The following NELL2 variants were observed in gnomAD, a reference collection of about 807,000 sequenced individuals.
The protein encoded by NELL2 is protein kinase C-binding protein NELL2.
A neutral mutation model predicts 109.6 loss-of-function variants in NELL2; 41 were observed. The observed-to-expected ratio is 0.37, with a 90% CI of 0.29 to 0.49. The LOEUF (loss-of-function observed/expected upper bound fraction) is 0.49. NELL2 is among the 20% of genes least tolerant of loss of function. The pLI is 0.98. For missense variants in NELL2, 900 were observed against 1,008.3 expected (o/e 0.89, Z 1.45); for synonymous variants, 355 against 344.7 (o/e 1.03, Z -0.33).
intron 13 of NELL2, among the ~76,000 whole-genome samples, chr12:44,660,799 G>A (rs1947714156): frequency 9.3e-6 from 1 of 107,010 alleles, no homozygotes; most frequent in African/African-American, 3.5e-5. Flanking sequence ...TCTGAAATGA[G>A]TGTCTCTTCA....
intron 1 of NELL2, among the ~76,000 whole-genome samples, chr12:44,883,320 C>G (rs1485304093): frequency 1.3e-5 from 2 of 151,914 alleles, no homozygotes; most frequent in East Asian, 3.9e-4. Context: ...GCTCATTGCC[C>G]CCTCCTTCAA....
At chr12:44,887,118 T>C (rs1362871281) in intron 1 of NELL2, among the ~76,000 whole-genome samples, 1 of 152,096 alleles carries the variant, frequency 6.6e-6, no homozygotes, top group African/African-American at 2.4e-5. Context: ...ATTTCCTTTC[T>C]CTTGGATAAA....
chr12:44,701,095 AT>A (rs1949213529), intron 12 of NELL2, among the ~76,000 whole-genome samples: 1 of 152,150 alleles, frequency 6.6e-6, no homozygotes, highest in Non-Finnish European at 1.5e-5. Flanking sequence ...GCAAAATTGC[AT>A]TAAAAATGTT....
intron 2 of NELL2, among the ~76,000 whole-genome samples, chr12:44,834,431 G>A (rs1052342194): frequency 6.1e-5 from 8 of 131,832 alleles, no homozygotes; most frequent in African/African-American, 8.9e-5. Flanking sequence ...ACAGACACAC[G>A]CATTCTTTTT....
chr12:44,587,286 T>A (rs28406258), intron 15 of NELL2, among the ~76,000 whole-genome samples: 6,402 of 39,810 alleles, frequency 0.16, 698 homozygotes, highest in African/African-American at 0.38. Context: ...AAAAAAAAAA[T>A]ATATATATAT....
chr12:44,612,848 C>A (rs573647392), intron 13 of NELL2, among the ~76,000 whole-genome samples: 23 of 152,120 alleles, frequency 1.5e-4, no homozygotes, highest in Admixed American at 9.2e-4. Flanking sequence ...ACCATACTCA[C>A]CGGGTAGAGA....
intron 15 of NELL2, among the ~76,000 whole-genome samples, chr12:44,589,409 T>G (rs1944662414): frequency 2.7e-5 from 4 of 148,758 alleles, no homozygotes; most frequent in Admixed American, 2.0e-4. Context: ...TATTTATTTA[T>G]TTGAGATGGA....
intron 12 of NELL2, among the ~76,000 whole-genome samples, chr12:44,688,442 CTTAT>C (rs1221760695): frequency 1.3e-5 from 2 of 152,150 alleles, no homozygotes; most frequent in Non-Finnish European, 2.9e-5. Context: ...CTTTTACTGA[CTTAT>C]TTTTCTGGAA....
chr12:44,805,222 C>G (rs950221698), intron 3 of NELL2, among the ~76,000 whole-genome samples: 1 of 151,640 alleles, frequency 6.6e-6, no homozygotes, highest in African/African-American at 2.4e-5. Context: ...CAATACATAC[C>G]AATGAAATTT....
intron 13 of NELL2, among the ~76,000 whole-genome samples, chr12:44,656,275 T>G (rs1298472955): frequency 3.3e-5 from 5 of 152,002 alleles, no homozygotes; most frequent in Admixed American, 3.3e-4. Flanking sequence ...CAACAAATCC[T>G]CCAAAGGCAG....
chr12:44,904,944 G>C (rs994431252), intron 1 of NELL2, among the ~76,000 whole-genome samples: 10 of 151,986 alleles, frequency 6.6e-5, no homozygotes, highest in Non-Finnish European at 2.9e-5. Flanking sequence ...TTCCCCACTG[G>C]GCATTGTCCA....
At position 44,552,355 on chromosome 12, in the gene NELL2, T is replaced by A. The variant is rs571043584; in HGVS notation, c.1664-19634A>T. Among the ~76,000 whole-genome samples, 6 of 152,314 alleles carry A rather than the reference T, an allele frequency of 3.9e-5. No individual in the cohort carries two copies. In the South Asian group the frequency reaches 1.2e-3, roughly 32 times the overall value. On this transcript the variant is annotated intron_variant, in intron 15 of 19. Coordinates refer to ENST00000429094, the MANE Select transcript of NELL2 (RefSeq NM_001145108.2). ...AAAGATGATACTAAAATTAAAGTCC[T>A]ATAATCATCTTTTAGAAGGGTTTCT...
At chr12:44,510,805 A>G (rs1940965648) in intron 19 of NELL2, among the ~76,000 whole-genome samples, 1 of 152,164 alleles carries the variant, frequency 6.6e-6, no homozygotes. Context: ...AGAATCTCCA[A>G]GATGCCCCAG....
Position 44,664,426 on chromosome 12 carries a change from T to C in NELL2, c.1444+1058A>G, listed in dbSNP as rs140927538. Among the ~76,000 whole-genome samples the C allele has an allele frequency of 3.4e-4, 51 of 152,206 alleles. No homozygotes were observed. In the East Asian group the frequency reaches 9.5e-3, roughly 28 times the overall value. On this transcript the variant is annotated intron_variant, in intron 13 of 19. Transcript: ENST00000429094. ...TCATTTTGTTTTTATAAATACTATA[T>C]TTGAATTTAGAAGAAGATCCTTCCC...
chr12:44,876,902 A>C, upstream of NELL2: 1 of 1,264,536 alleles, frequency 7.9e-7, no homozygotes. Context: ...CCTGGTGGAG[A>C]GGTTCCCTGC....
At chr12:44,556,672 T>C (rs1277115394) in intron 15 of NELL2, among the ~76,000 whole-genome samples, 1 of 152,314 alleles carries the variant, frequency 6.6e-6, no homozygotes, top group African/African-American at 2.4e-5. Flanking sequence ...CAGCAGCTAG[T>C]TCAGGGGTAT....
chr12:44,773,057 C>T (rs575025995), intron 9 of NELL2, among the ~76,000 whole-genome samples: 10 of 152,096 alleles, frequency 6.6e-5, no homozygotes, highest in African/African-American at 2.2e-4. Context: ...TCACTTCTGA[C>T]GAATCTCTCA....
intron 15 of NELL2, among the ~76,000 whole-genome samples, chr12:44,599,043 T>C (rs966713392): frequency 6.6e-6 from 1 of 152,164 alleles, no homozygotes; most frequent in African/African-American, 2.4e-5. Context: ...TTATATAATT[T>C]GTGTGGCATA....
chr12:44,891,322 A>G (rs1032950422), intron 1 of NELL2, among the ~76,000 whole-genome samples: 1 of 152,192 alleles, frequency 6.6e-6, no homozygotes, highest in Non-Finnish European at 1.5e-5. Context: ...ACCTAAGGCC[A>G]TGGGAGCAGA....
Sources: allele counts gnomAD v4.1 joint callset (sites outside exome capture counted in the v4.1 genomes callset), GRCh38; gene constraint gnomAD v4.1.1; transcripts MANE v1.5; gene names NCBI Gene and HGNC (gene_info 2026-07-23, HGNC 2026-07-21).